LINGO2: variants seen among roughly 807,000 people sequenced by gnomAD.
The protein encoded by LINGO2 is leucine rich repeat and Ig domain containing 2, also known as leucine-rich repeat and immunoglobulin-like domain-containing nogo receptor-interacting protein 2.
In LINGO2, 14 loss-of-function variants were observed where a neutral mutation model predicts 30.6. That is an observed-to-expected ratio of 0.46 (90% CI 0.30 to 0.72). The LOEUF (loss-of-function observed/expected upper bound fraction) is 0.72, where lower values mean the gene tolerates loss of function less well. Ranked by LOEUF, LINGO2 falls within the 30% of genes least tolerant of loss-of-function variation. The pLI, the probability that LINGO2 is intolerant of heterozygous loss-of-function variation, is 0.07. For missense variants in LINGO2, 729 were observed against 751.7 expected (o/e 0.97, Z 0.35); for synonymous variants, 317 against 288.5 (o/e 1.10, Z -1.00).
chr9:28,514,139 T>C (rs1820525578), intron 1 of LINGO2, among the ~76,000 whole-genome samples: 1 of 152,210 alleles, frequency 6.6e-6, no homozygotes, highest in African/African-American at 2.4e-5. Flanking sequence ...GATCAATAAA[T>C]GTGTGTCTTT....
At chr9:28,700,106 T>C in the LINGO2 span, among the ~76,000 whole-genome samples, 1 of 152,110 alleles carries the variant, frequency 6.6e-6, no homozygotes, top group East Asian at 1.9e-4. Flanking sequence ...AAAAACCTGC[T>C]GGTTTTGTGG....
At chr9:28,751,154 G>C in the LINGO2 span, among the ~76,000 whole-genome samples, 1 of 151,692 alleles carries the variant, frequency 6.6e-6, no homozygotes, top group Non-Finnish European at 1.5e-5. Flanking sequence ...ATGGTAGCAT[G>C]GTGGCATGTG....
rs1823360209 is a variant in LINGO2, at chr9:28,425,315, A to G, written c.-279+50625T>C. Among the ~76,000 whole-genome samples the G allele has an allele frequency of 2.6e-5, 3 of 115,368 alleles. No homozygotes were observed. In the South Asian group the frequency reaches 9.1e-4, roughly 35 times the overall value. 75.7% of individuals were successfully genotyped at this position (115,368 alleles called of 152,430 possible). On this transcript the variant is annotated intron_variant, in intron 2 of 5. Coordinates refer to ENST00000379992, the Ensembl canonical transcript of LINGO2. ...GTATATATACATGTGTATACACAGT[A>G]TATATGTGTGTGTGTATATATATAT...
upstream of LINGO2, among the ~76,000 whole-genome samples, chr9:28,673,876 A>G (rs553606353): frequency 1.3e-5 from 2 of 152,212 alleles, no homozygotes; most frequent in South Asian, 4.1e-4. Flanking sequence ...TAAACAGAAG[A>G]CAAAAAGTAG....
At chr9:28,996,574 C>T in the LINGO2 span, among the ~76,000 whole-genome samples, 1 of 152,108 alleles carries the variant, frequency 6.6e-6, no homozygotes, top group Admixed American at 6.6e-5. Context: ...AGAAGTGGAA[C>T]ACCTATACTT....
At chr9:29,123,655 A>G in the LINGO2 span, among the ~76,000 whole-genome samples, 1 of 152,096 alleles carries the variant, frequency 6.6e-6, no homozygotes, top group African/African-American at 2.4e-5. Flanking sequence ...ACATAAGAAG[A>G]ATGTAAAACA....
intron 4 of LINGO2, among the ~76,000 whole-genome samples, chr9:28,226,681 AAGAAAGAAAGAAAGAAAGAAAG>A: frequency 2.2e-5 from 2 of 91,806 alleles, no homozygotes; most frequent in East Asian, 5.9e-4. Flanking sequence ...GAAAGAAAGA[AAGAAAGAAAGAAAGAAAGAAAG>A]AGAAAGAGAA....
At chr9:28,629,165 C>G (rs1826819485) in intron 1 of LINGO2, among the ~76,000 whole-genome samples, 1 of 151,976 alleles carries the variant, frequency 6.6e-6, no homozygotes. Flanking sequence ...ATGCTAATGT[C>G]AAGAAACAGG....
intron 3 of LINGO2, among the ~76,000 whole-genome samples, chr9:28,313,007 A>G (rs1824691801): frequency 6.6e-6 from 1 of 152,204 alleles, no homozygotes; most frequent in Admixed American, 6.5e-5. Flanking sequence ...CCACTTTCAT[A>G]CAAAGATTAA....
chr9:28,364,786 C>A (rs963169980), intron 3 of LINGO2, among the ~76,000 whole-genome samples: 1 of 152,140 alleles, frequency 6.6e-6, no homozygotes, highest in Admixed American at 6.5e-5. Flanking sequence ...TCCAGATGTG[C>A]AAGATGCTTA....
At chr9:28,702,643 T>C in the LINGO2 span, among the ~76,000 whole-genome samples, 1 of 151,904 alleles carries the variant, frequency 6.6e-6, no homozygotes, top group African/African-American at 2.4e-5. Context: ...GTTAATGCTG[T>C]TGTCATAGAA....
At chr9:28,655,869 T>C (rs1828312576) in intron 1 of LINGO2, among the ~76,000 whole-genome samples, 1 of 152,126 alleles carries the variant, frequency 6.6e-6, no homozygotes, top group South Asian at 2.1e-4. Flanking sequence ...CTTTCCTTTG[T>C]AAATTACTCA....
chr9:29,102,431 C>G, the LINGO2 span, among the ~76,000 whole-genome samples: 1 of 152,152 alleles, frequency 6.6e-6, no homozygotes, highest in African/African-American at 2.4e-5. Context: ...TTTTAGCTCT[C>G]TCTAGAAACA....
At chr9:28,663,974 C>A (rs1291957079) in intron 1 of LINGO2, among the ~76,000 whole-genome samples, 1 of 151,888 alleles carries the variant, frequency 6.6e-6, no homozygotes, top group Admixed American at 6.6e-5. Context: ...ACTGATGATA[C>A]AACAATATTC....
intron 4 of LINGO2, among the ~76,000 whole-genome samples, chr9:28,105,974 G>A (rs1053281573): frequency 2.0e-5 from 3 of 152,034 alleles, no homozygotes; most frequent in African/African-American, 4.8e-5. Context: ...TAGGAAGTGA[G>A]GGCTGGCTAG....
chr9:28,838,432 A>G, the LINGO2 span, among the ~76,000 whole-genome samples: 2 of 152,212 alleles, frequency 1.3e-5, no homozygotes, highest in African/African-American at 2.4e-5. Flanking sequence ...TTAACTTTGA[A>G]TATGTTACGT....
the LINGO2 span, among the ~76,000 whole-genome samples, chr9:29,025,620 G>A: frequency 6.6e-6 from 1 of 152,080 alleles, no homozygotes; most frequent in Non-Finnish European, 1.5e-5. Flanking sequence ...ACAAAATCAG[G>A]TTAGTGAATA....
chr9:29,179,490 C>T, the LINGO2 span, among the ~76,000 whole-genome samples: 195 of 152,032 alleles, frequency 1.3e-3, no homozygotes, highest in Non-Finnish European at 2.4e-3. Flanking sequence ...CTGCAACCTC[C>T]GTTTCCAGGG....
chr9:29,145,478 T>TTAGA, the LINGO2 span, among the ~76,000 whole-genome samples: 1 of 152,074 alleles, frequency 6.6e-6, no homozygotes, highest in Admixed American at 6.6e-5. Context: ...ATAACAGAAT[T>TTAGA]ATAAGAGAAA....
Sources: allele counts gnomAD v4.1 joint callset (sites outside exome capture counted in the v4.1 genomes callset), GRCh38; gene constraint gnomAD v4.1.1; transcripts MANE v1.5; gene names NCBI Gene and HGNC (gene_info 2026-07-23, HGNC 2026-07-21).